TRANK1: variants seen among roughly 807,000 people sequenced by gnomAD.
TRANK1 encodes the protein tetratricopeptide repeat and ankyrin repeat containing 1.
A neutral mutation model predicts 266.0 loss-of-function variants in TRANK1; 198 were observed. The ratio of observed to expected loss-of-function variants is 0.74; its 90% CI spans 0.66 to 0.84. TRANK1 has a LOEUF of 0.84. Ranked by LOEUF, TRANK1 falls within the 40% of genes least tolerant of loss-of-function variation. TRANK1 has a pLI of 0.00. For synonymous variants in TRANK1, 1,396 were observed against 1,384.1 expected, an observed-to-expected ratio of 1.01 and a Z score of -0.19; for missense variants, 3,326 against 3,634.6, an observed-to-expected ratio of 0.92 and a Z score of 2.18.
At chr3:36,895,987 C>T (rs1452060113) in intron 4 of TRANK1, among the ~76,000 whole-genome samples, 1 of 152,154 alleles carries the variant, frequency 6.6e-6, no homozygotes, top group Non-Finnish European at 1.5e-5. Context: ...AATTAACATT[C>T]GCTTTGCCTT....
At chr3:36,910,173 T>A (rs1310000570) in intron 1 of TRANK1, among the ~76,000 whole-genome samples, 1 of 152,170 alleles carries the variant, frequency 6.6e-6, no homozygotes. Flanking sequence ...CTACTAAATA[T>A]ATGAAAAGTG....
intron 9 of TRANK1, among the ~76,000 whole-genome samples, chr3:36,866,127 G>A (rs2079223674): frequency 6.8e-6 from 1 of 147,074 alleles, no homozygotes; most frequent in Admixed American, 6.8e-5. Flanking sequence ...AGTCACCGAT[G>A]AAGTGTTGGA....
intron 1 of TRANK1, among the ~76,000 whole-genome samples, chr3:36,925,787 T>C (rs1183934713): frequency 6.6e-6 from 1 of 152,154 alleles, no homozygotes; most frequent in Admixed American, 6.6e-5. Flanking sequence ...GGTTTCACCA[T>C]GTTGGCCAGG....
chr3:36,854,099 G>A (rs1389778739), intron 13 of TRANK1, among the ~76,000 whole-genome samples: 4 of 152,180 alleles, frequency 2.6e-5, no homozygotes, highest in Non-Finnish European at 4.4e-5. Context: ...GAGGGCTCAC[G>A]CCTGTAATCC....
intron 18 of TRANK1, among the ~76,000 whole-genome samples, chr3:36,841,432 T>C (rs1215380175): frequency 6.6e-6 from 1 of 152,144 alleles, no homozygotes; most frequent in Admixed American, 6.5e-5. Flanking sequence ...TAGAGAAATC[T>C]TAGGGAAATG....
chr3:36,935,173 C>T (rs1317938855), intron 1 of TRANK1, among the ~76,000 whole-genome samples: 3 of 152,192 alleles, frequency 2.0e-5, no homozygotes, highest in Admixed American at 2.0e-4. Context: ...TTTCTCCCTC[C>T]CTCCACTTTA....
chr3:36,915,041 T>A (rs750100539), intron 1 of TRANK1, among the ~76,000 whole-genome samples: 6 of 152,178 alleles, frequency 3.9e-5, no homozygotes, highest in Non-Finnish European at 7.3e-5. Context: ...AAGCTCCGCC[T>A]CCCGGGTTCA....
chr3:36,919,914 C>T (rs1415059022), intron 1 of TRANK1, among the ~76,000 whole-genome samples: 1 of 152,066 alleles, frequency 6.6e-6, no homozygotes, highest in Non-Finnish European at 1.5e-5. Context: ...AGAACCAATC[C>T]TAGAAGAGTT....
chr3:36,890,653 T>G (rs2079678846), intron 7 of TRANK1, among the ~76,000 whole-genome samples: 1 of 152,214 alleles, frequency 6.6e-6, no homozygotes, highest in Admixed American at 6.5e-5. Context: ...ATCAAGCCAG[T>G]ATCTCTGATA....
intron 9 of TRANK1, among the ~76,000 whole-genome samples, chr3:36,872,287 A>C (rs1038520583): frequency 4.6e-5 from 7 of 152,100 alleles, no homozygotes; most frequent in African/African-American, 1.7e-4. Context: ...TGTAATCCCA[A>C]TGACTTGGGA....
In TRANK1 at chr3:36,832,682, G is replaced by A. The variant is rs374715406; in HGVS notation, c.6901C>T (p.Arg2301Trp). 13 of 1,613,876 alleles carry A rather than the reference G, an allele frequency of 8.1e-6. No homozygotes were observed. The highest frequency in any genetic ancestry group is 1.6e-4 in the Middle Eastern group (1 of 6,084). The change falls in exon 22 of 24, where the codon CGG (arginine) becomes TGG (tryptophan). Residue 2301 changes from arginine to tryptophan, a missense_variant. By Grantham distance (101) the Arg-to-Trp change is moderately radical. Transcript: ENST00000645898. ...TCCTTCAAAGCAAATCTGTAGAACC[G>A]GAAGGATTTGTAATTTGGTTTGAGG... ...EILKPNYKSF[R>W]FYRFALKEYI...
intron 1 of TRANK1, among the ~76,000 whole-genome samples, chr3:36,941,007 AAGGGTGAGCAAAAATG>A (rs2080489420): frequency 6.6e-6 from 1 of 152,208 alleles, no homozygotes; most frequent in Non-Finnish European, 1.5e-5. Flanking sequence ...GAGCTAGTCT[AAGGGTGAGCAAAAATG>A]ATTGCCCTGG....
At chr3:36,849,982 ACCTGAG>A (rs1317381767) in intron 15 of TRANK1, 63 of 978,662 alleles carry the variant, frequency 6.4e-5, no homozygotes, top group Non-Finnish European at 7.5e-5. Flanking sequence ...GGGTCAAGAT[ACCTGAG>A]CCTTGGCCAC....
rs1338918943 is a variant in TRANK1, at chr3:36,892,314, C to A, written c.663G>T (p.Glu221Asp). ...CTAACTTGGGCACTTGTTCCATCTT[C>A]TCATAAAGTCCAATGAAAACGTATT... ...FEKYVFIGLYEKMEQVPKLVQ... is the reference protein window; with the variant it reads ...FEKYVFIGLYDKMEQVPKLVQ... The change falls in exon 7 of 24, where the codon GAG becomes GAT. Residue 221 changes from glutamate to aspartate, a missense_variant. Glu to Asp is a conservative substitution (Grantham distance 45). Coordinates refer to ENST00000645898, the MANE Select transcript of TRANK1 (RefSeq NM_001329998.2). The A allele has an allele frequency of 6.5e-7, 1 of 1,537,144 alleles. No individual in the cohort carries two copies. The highest frequency in any genetic ancestry group is 1.4e-5 in the African/African-American group (1 of 73,128).
intron 17 of TRANK1, among the ~76,000 whole-genome samples, chr3:36,843,076 T>C (rs2125522757): frequency 6.6e-6 from 1 of 152,336 alleles, no homozygotes; most frequent in South Asian, 2.1e-4. Flanking sequence ...AACACCTTGA[T>C]CTTGGACTTC....
At chr3:36,932,528 A>G (rs1224344752) in intron 1 of TRANK1, among the ~76,000 whole-genome samples, 1 of 152,216 alleles carries the variant, frequency 6.6e-6, no homozygotes, top group African/African-American at 2.4e-5. Context: ...GCACCACTGC[A>G]CTCCAGCCTA....
At chr3:36,923,801 C>G (rs752507679) in intron 1 of TRANK1, among the ~76,000 whole-genome samples, 6 of 152,104 alleles carry the variant, frequency 3.9e-5, no homozygotes, top group Non-Finnish European at 7.4e-5. Flanking sequence ...AAGCATCTGA[C>G]GGCCACTGCC....
At chr3:36,874,334 G>T in intron 8 of TRANK1, 38 bp from the exon 9 acceptor site, 2 of 1,527,702 alleles carry the variant, frequency 1.3e-6, no homozygotes, top group Middle Eastern at 1.8e-4. Flanking sequence ...GTTTGTCATG[G>T]TTCCTTCCAT....
At chr3:36,887,607 G>A (rs2079625653) in intron 8 of TRANK1, among the ~76,000 whole-genome samples, 2 of 152,084 alleles carry the variant, frequency 1.3e-5, no homozygotes, top group South Asian at 2.1e-4. Context: ...ATTTGTGCAC[G>A]GACCTTCTTT....
Sources: allele counts gnomAD v4.1 joint callset (sites outside exome capture counted in the v4.1 genomes callset), GRCh38; gene constraint gnomAD v4.1.1; transcripts MANE v1.5; gene names NCBI Gene and HGNC (gene_info 2026-07-23, HGNC 2026-07-21).